Variants in PPP2R5C observed in about 807,000 individuals in gnomAD.
The protein encoded by PPP2R5C is serine/threonine-protein phosphatase 2A 56 kDa regulatory subunit gamma isoform.
Under a neutral mutation model 68.9 loss-of-function variants are expected in PPP2R5C, and 7 were observed. That is an observed-to-expected ratio of 0.10 (90% CI 0.06 to 0.19). The LOEUF is 0.19. PPP2R5C is among the 10% of genes least tolerant of loss of function. The pLI, the probability that PPP2R5C is intolerant of heterozygous loss-of-function variation, is 1.00. For missense variants in PPP2R5C, 348 were observed against 641.3 expected, an observed-to-expected ratio of 0.54 and a Z score of 4.94; for synonymous variants, 210 against 222.2, an observed-to-expected ratio of 0.95 and a Z score of 0.49.
intron 2 of PPP2R5C, chr14:101,765,070 C>T: frequency 1.5e-6 from 1 of 659,038 alleles, no homozygotes; most frequent in Non-Finnish European, 2.8e-6. Flanking sequence ...GTTTTGAAAG[C>T]AGTTTGCCAG....
intron 10 of PPP2R5C, among the ~76,000 whole-genome samples, chr14:101,907,077 TC>T (rs2046070768): frequency 6.6e-6 from 1 of 152,170 alleles, no homozygotes; most frequent in African/African-American, 2.4e-5. Context: ...GATGAATAAA[TC>T]CGTTTACTGA....
intron 2 of PPP2R5C, chr14:101,766,911 A>T (rs2036888789): frequency 6.6e-6 from 1 of 152,228 alleles, no homozygotes; most frequent in African/African-American, 2.4e-5. Flanking sequence ...ATTTTGTAAG[A>T]TCAGACCATA....
chr14:101,785,077 G>A (rs759004960), intron 2 of PPP2R5C, among the ~76,000 whole-genome samples: 2 of 152,132 alleles, frequency 1.3e-5, no homozygotes, highest in African/African-American at 2.4e-5. Context: ...GACCAGCCCT[G>A]GAGCTATGGT....
At chr14:101,839,394 C>T (rs1398898743) in intron 1 of PPP2R5C, 2 of 152,204 alleles carry the variant, frequency 1.3e-5, no homozygotes, top group East Asian at 1.9e-4. Flanking sequence ...AGTTACGTGA[C>T]CACAGGTGGC....
chr14:101,794,842 A>G (rs964916219), intron 3 of PPP2R5C, among the ~76,000 whole-genome samples: 1 of 152,136 alleles, frequency 6.6e-6, no homozygotes, highest in African/African-American at 2.4e-5. Context: ...CTGCTTCCTT[A>G]CTGAATTACC....
intron 9 of PPP2R5C, among the ~76,000 whole-genome samples, chr14:101,904,661 C>T (rs945232247): frequency 1.2e-4 from 19 of 152,290 alleles, no homozygotes; most frequent in African/African-American, 4.6e-4. Context: ...CTGGCACAGG[C>T]TCACCTGCCA....
chr14:101,844,420 G>T (rs958848020), intron 1 of PPP2R5C, among the ~76,000 whole-genome samples: 2 of 152,184 alleles, frequency 1.3e-5, no homozygotes, highest in Non-Finnish European at 2.9e-5. Flanking sequence ...CTGTGGCCCT[G>T]ATCCCCCGGC....
At chr14:101,764,964 G>A (rs1027612603) in intron 2 of PPP2R5C, among the ~76,000 whole-genome samples, 2 of 152,000 alleles carry the variant, frequency 1.3e-5, no homozygotes, top group African/African-American at 4.8e-5. Flanking sequence ...ATTTTTAGTG[G>A]GAAGATCCTG....
At chr14:101,786,261 T>C (rs1370140420) in intron 3 of PPP2R5C, 78 bp downstream of exon 3, 1 of 1,308,942 alleles carries the variant, frequency 7.6e-7, no homozygotes, top group Non-Finnish European at 1.0e-6. Flanking sequence ...TGTGCTAATT[T>C]ATTCCTTTGC....
intron 1 of PPP2R5C, among the ~76,000 whole-genome samples, chr14:101,841,362 T>G (rs1279829496): frequency 6.6e-6 from 1 of 152,234 alleles, no homozygotes. Context: ...GTTTTTAGTT[T>G]AGCTATAAAA....
intron 1 of PPP2R5C, chr14:101,823,591 C>G (rs917351335): frequency 4.6e-5 from 11 of 239,684 alleles, no homozygotes; most frequent in South Asian, 1.4e-4. Flanking sequence ...TTAACCGTCG[C>G]CCTCTTTCCT....
Position 101,797,646 on chromosome 14 carries a change from TAAA to T in PPP2R5C, c.259+11465_259+11467del. ...TCACTTGACCTACTGCGTAGGCTCCTAAAAGGGTGTCGGCAAGTTGGCAAGTTA... is the reference window on the plus strand; with the variant it reads ...TCACTTGACCTACTGCGTAGGCTCCTAGGGTGTCGGCAAGTTGGCAAGTTA... On this transcript the variant is annotated intron_variant, in intron 3 of 14. Transcript: ENST00000328724. The surrounding 1 kb of genome is among the most constrained non-coding windows in gnomAD (Gnocchi z 4.2). 5.6e-6 allele frequency: 1 copy of T among 178,390 alleles called. No individual in the cohort carries two copies. The highest frequency in any genetic ancestry group is 1.2e-5 in the Non-Finnish European group (1 of 83,492). 11.1% of individuals were successfully genotyped at this position (178,390 alleles called of 1,614,324 possible).
upstream of PPP2R5C, among the ~76,000 whole-genome samples, chr14:101,809,405 CAAAA>C (rs375238074): frequency 5.1e-5 from 7 of 136,880 alleles, no homozygotes; most frequent in Admixed American, 2.9e-4. Context: ...AAAAAAAAAA[CAAAA>C]AAAAAACACT....
intron 1 of PPP2R5C, chr14:101,823,979 A>G: frequency 2.3e-6 from 3 of 1,289,092 alleles, no homozygotes; most frequent in Non-Finnish European, 3.0e-6. Context: ...TTATGGATGA[A>G]ATTAACTTAT....
chr14:101,811,073 G>A (rs1344039635), intron 1 of PPP2R5C, among the ~76,000 whole-genome samples: 1 of 152,174 alleles, frequency 6.6e-6, no homozygotes, highest in Non-Finnish European at 1.5e-5. Context: ...CGCCAGGCCA[G>A]ACTTTTCAGA....
upstream of PPP2R5C, among the ~76,000 whole-genome samples, chr14:101,761,365 A>G (rs1357088068): frequency 6.6e-6 from 1 of 151,668 alleles, no homozygotes; most frequent in African/African-American, 2.4e-5. Context: ...TCGCAGCCAC[A>G]TGCTCCCTCC....
At position 101,861,004 on chromosome 14, in the gene PPP2R5C, G is replaced by A. The variant is rs141047621; in HGVS notation, c.294+4119G>A. ...ACCAGCTCCATCATTAATTTCAGCC[G>A]TATTTAAATATAATCAGCCTCCTGT... On this transcript the variant is annotated intron_variant, in intron 2 of 13. Coordinates refer to ENST00000334743, the Ensembl canonical transcript of PPP2R5C. 3.8e-3 allele frequency among the ~76,000 whole-genome samples: 579 copies of A among 152,162 alleles called. 3 individuals carry two copies. Among genetic ancestry groups the A allele is most frequent in the African/African-American group, 0.014 (562 of 41,510 alleles).
At chr14:101,922,282 A>G in intron 13 of PPP2R5C, 1 of 733,432 alleles carries the variant, frequency 1.4e-6, no homozygotes, top group South Asian at 6.2e-5. Context: ...TGAGGTCAGG[A>G]GTTCGAGACC....
chr14:101,786,055 C>T, exon 3 of PPP2R5C: 1 of 1,543,920 alleles, frequency 6.5e-7, no homozygotes, highest in Non-Finnish European at 8.7e-7. Flanking sequence ...GTTGCTGTCC[C>T]GTCTACAGTA....
Sources: allele counts gnomAD v4.1 joint callset (sites outside exome capture counted in the v4.1 genomes callset), GRCh38; gene constraint gnomAD v4.1.1; non-coding constraint Gnocchi (gnomAD v3.1); transcripts MANE v1.5; gene names NCBI Gene and HGNC (gene_info 2026-07-23, HGNC 2026-07-21).